The following ARHGAP39 variants were observed in gnomAD, a reference collection of about 807,000 sequenced individuals.
ARHGAP39 encodes the protein Rho GTPase activating protein 39.
A neutral mutation model predicts 106.9 loss-of-function variants in ARHGAP39; 44 were observed. The observed-to-expected ratio is 0.41, with a 90% CI of 0.32 to 0.53. The LOEUF is 0.53. Ranked by LOEUF, ARHGAP39 falls within the 20% of genes least tolerant of loss-of-function variation. The probability of loss-of-function intolerance (pLI) is 0.21; values close to 1 mark genes in which losing one functional copy is unlikely to be tolerated. For missense variants in ARHGAP39, 1,496 were observed against 1,577.3 expected, an observed-to-expected ratio of 0.95 and a Z score of 0.87; for synonymous variants, 768 against 693.2, an observed-to-expected ratio of 1.11 and a Z score of -1.69.
upstream of ARHGAP39, among the ~76,000 whole-genome samples, chr8:144,690,811 A>ATTTTTTTTTTTTT (rs113293471): frequency 8.6e-6 from 1 of 116,310 alleles, no homozygotes. Flanking sequence ...CACCCAGCTG[A>ATTTTTTTTTTTTT]TTTTTTTTTT....
At chr8:144,578,071 C>T (rs1818839756) in intron 3 of ARHGAP39, among the ~76,000 whole-genome samples, 1 of 152,114 alleles carries the variant, frequency 6.6e-6, no homozygotes, top group Non-Finnish European at 1.5e-5. Context: ...ATAGCCAAAA[C>T]AACCTTGAAA....
In ARHGAP39 at chr8:144,537,768, T is replaced by C; in HGVS notation, c.2567A>G (p.Lys856Arg). ...KELLERNTKK[K>R]SKLRKKPKPY... Reference sequence around the variant, plus strand: ...CTTGGGTTTCTTTCTCAATTTGGACTTCTTCTTAGTGTTTCTTTCCAGGAG... The same window carrying C: ...CTTGGGTTTCTTTCTCAATTTGGACCTCTTCTTAGTGTTTCTTTCCAGGAG... The change falls in exon 7 of 12, where the codon AAG (lysine) becomes AGG (arginine). Residue 856 changes from lysine (K) to arginine (R), a missense_variant. By Grantham distance (26) the Lys-to-Arg change is conservative. This residue lies in a region of ARHGAP39 where 470 missense variants were observed against 605.1 expected (regional missense o/e 0.78). Coordinates refer to ENST00000377307, the MANE Select transcript of ARHGAP39 (RefSeq NM_025251.3). 2 of 1,614,118 alleles carry C rather than the reference T, an allele frequency of 1.2e-6. No individual in the cohort carries two copies. The highest frequency in any genetic ancestry group is 1.7e-6 in the Non-Finnish European group (2 of 1,179,972).
At chr8:144,688,957 G>A (rs1270926232), upstream of ARHGAP39, among the ~76,000 whole-genome samples, 2 of 151,946 alleles carry the variant, frequency 1.3e-5, no homozygotes, top group Non-Finnish European at 2.9e-5. Flanking sequence ...GAAGGGGGAC[G>A]GACCCTGCCA....
In ARHGAP39 at chr8:144,548,499, G is replaced by A. The variant is rs1337449532; in HGVS notation, c.597-10C>T. 4 of 1,604,650 alleles carry A rather than the reference G, an allele frequency of 2.5e-6. No individual in the cohort carries two copies. The highest frequency in any genetic ancestry group is 2.7e-5 in the African/African-American group (2 of 74,862). On this transcript the variant is annotated splice_polypyrimidine_tract_variant and intron_variant, in intron 4 of 11. Transcript: ENST00000377307. This position sits in a 1 kb window ranked among gnomAD's most constrained non-coding sequence, Gnocchi z 7.4. ...CCGCAGCGAGGAGGTCCTGCGTGGG[G>A]GGTGGACGGGCACAGGTGACTGCCT...
intron 1 of ARHGAP39, among the ~76,000 whole-genome samples, chr8:144,613,609 CCTTG>C (rs1190106333): frequency 6.6e-6 from 1 of 151,568 alleles, no homozygotes; most frequent in Non-Finnish European, 1.5e-5. Flanking sequence ...ACACAAAAGG[CCTTG>C]CTTTTTTTTT....
chr8:144,563,953 G>A (rs1269092171), intron 3 of ARHGAP39, among the ~76,000 whole-genome samples: 3 of 152,112 alleles, frequency 2.0e-5, no homozygotes, highest in East Asian at 1.9e-4. Flanking sequence ...AAGTTATTTC[G>A]ATGTCAACTA....
At chr8:144,699,360 T>G in the ARHGAP39 span, among the ~76,000 whole-genome samples, 1 of 10,606 alleles carries the variant, frequency 9.4e-5, no homozygotes. Flanking sequence ...AGCTGTGGGG[T>G]GGGGTGCTGT....
chr8:144,674,356 T>C (rs1445138634), intron 1 of ARHGAP39, among the ~76,000 whole-genome samples: 1 of 152,190 alleles, frequency 6.6e-6, no homozygotes, highest in Non-Finnish European at 1.5e-5. Flanking sequence ...TCTTGACGAC[T>C]GTTCAGGTCT....
chr8:144,559,213 A>G (rs7387057), intron 3 of ARHGAP39, among the ~76,000 whole-genome samples: 1 of 151,838 alleles, frequency 6.6e-6, no homozygotes, highest in East Asian at 1.9e-4. Context: ...GTCTCAAAAC[A>G]AAAAACAAAA....
Position 144,544,832 on chromosome 8 carries a change from C to T in ARHGAP39, c.2521+417G>A, listed in dbSNP as rs370254982. On this transcript the variant is annotated intron_variant, in intron 6 of 11. Transcript: ENST00000377307. ...CTGCCAGGACCATGCCCAGAAGAGA[C>T]AACCCGGATCTTGCCAGGGTGGTAG... 3.7e-4 allele frequency among the ~76,000 whole-genome samples: 57 copies of T among 152,384 alleles called. No individual in the cohort carries two copies. The South Asian group carries it at 0.011, about 30-fold the overall frequency.
rs1464455501 is a variant in ARHGAP39 at position 144,585,075 on chromosome 8, G to A, written c.81-3798C>T. Among the ~76,000 whole-genome samples the A allele has an allele frequency of 1.3e-5, 2 of 152,136 alleles. No individual in the cohort carries two copies. Among genetic ancestry groups the A allele is most frequent in the East Asian group, 3.9e-4 (2 of 5,178 alleles). ...TTTGGTCTCCACCCAGAGCCAAGGT[G>A]TCTCCCTCCACTCGTCCAGGTGTCT... On this transcript the variant is annotated intron_variant, in intron 2 of 11. Transcript: ENST00000377307. This position sits in a 1 kb window ranked among gnomAD's most constrained non-coding sequence, Gnocchi z 4.6.
chr8:144,664,023 C>T (rs917023451), intron 1 of ARHGAP39, among the ~76,000 whole-genome samples: 108 of 152,034 alleles, frequency 7.1e-4, no homozygotes, highest in African/African-American at 2.5e-3. Context: ...AACAATTAGC[C>T]GGGCATAGTG....
chr8:144,633,555 A>C (rs930589081), intron 1 of ARHGAP39, among the ~76,000 whole-genome samples: 1 of 152,286 alleles, frequency 6.6e-6, no homozygotes, highest in Non-Finnish European at 1.5e-5. Context: ...TTCAAAGCCC[A>C]GCTACTAATT....
At chr8:144,698,458 T>G in the ARHGAP39 span, among the ~76,000 whole-genome samples, 1 of 152,204 alleles carries the variant, frequency 6.6e-6, no homozygotes, top group African/African-American at 2.4e-5. Context: ...GTAAAGTGAA[T>G]TGAGGTTTTT....
rs199629804 is a variant in ARHGAP39 at position 144,548,087 on chromosome 8, T to C, written c.999A>G (p.Gln333=). ...PIYDEPPMDV[Q]FEAGGGYQAG... ...CCTGGTAGCCCCCGCCAGCCTCGAA[T>C]TGCACGTCCATGGGGGGCTCATCGT... is the stretch of plus-strand genomic sequence containing the variant. The change falls in exon 5 of 12, where the codon CAA becomes CAG. Residue 333 remains glutamine (Q), a synonymous_variant. Transcript: ENST00000377307. The surrounding 1 kb of genome is among the most constrained non-coding windows in gnomAD (Gnocchi z 7.4). 3.8e-5 allele frequency: 60 copies of C among 1,594,482 alleles called. No homozygotes were observed. In the Admixed American group the frequency reaches 6.5e-4, roughly 17 times the overall value.
rs749666064 is a variant in ARHGAP39 at position 144,548,061 on chromosome 8, G to A, written c.1025C>T (p.Ala342Val). 6.3e-7 allele frequency: 1 copy of A among 1,596,142 alleles called. No individual in the cohort carries two copies. Among genetic ancestry groups the A allele is most frequent in the South Asian group, 1.1e-5 (1 of 89,430 alleles). The stretch of plus-strand genomic sequence containing the variant: ...GCCCGGCGACCGCTGGGGAGAGCCG[G>A]CCTGGTAGCCCCCGCCAGCCTCGAA... ...VQFEAGGGYQ[A>V]GSPQRSPGRK... The change falls in exon 5 of 12, where the codon GCC (alanine) becomes GTC (valine). Residue 342 changes from alanine (A) to valine (V), a missense_variant. Physicochemically the swap from Ala to Val is moderately conservative, Grantham distance 64. Around this residue, in one of 4 missense-constraint regions of ARHGAP39, gnomAD observed 905 missense variants for 816.4 expected, o/e 1.11. Coordinates refer to ENST00000377307, the MANE Select transcript of ARHGAP39 (RefSeq NM_025251.3). The surrounding 1 kb of genome is among the most constrained non-coding windows in gnomAD (Gnocchi z 7.4).
At position 144,530,523 on chromosome 8, in the gene ARHGAP39, C is replaced by T. The variant is rs756803557; in HGVS notation, c.3244G>A (p.Asp1082Asn). The T allele has an allele frequency of 3.1e-6, 5 of 1,612,080 alleles. No homozygotes were observed. The South Asian group carries it at 4.4e-5, about 14-fold the overall frequency. Residue 1082 changes from aspartate to asparagine, a missense_variant, in exon 12 of 12, where the codon GAC becomes AAC. Transcript: ENST00000377307. ...TTCTCGAAGATGACGCGCGGGTCGTCGGACTGGCAGCGCAAGCAGTTGGGC... is the reference window on the plus strand; with the variant it reads ...TTCTCGAAGATGACGCGCGGGTCGTTGGACTGGCAGCGCAAGCAGTTGGGC... ...MAPNCLRCQS[D>N]DPRVIFENTR...
At chr8:144,553,430 G>A (rs1017981731) in intron 4 of ARHGAP39, among the ~76,000 whole-genome samples, 6 of 152,158 alleles carry the variant, frequency 3.9e-5, no homozygotes, top group East Asian at 1.9e-4. Context: ...CAGAGCACGC[G>A]CGTTTCAGCA....
chr8:144,680,328 C>T (rs1822372572), intron 1 of ARHGAP39, among the ~76,000 whole-genome samples: 2 of 152,316 alleles, frequency 1.3e-5, no homozygotes, highest in Middle Eastern at 3.4e-3. Context: ...CTTTGCGGGC[C>T]GCACAGCCTC....
Sources: gnomAD v4.1 joint callset for allele counts (sites outside exome capture counted in the v4.1 genomes callset) on GRCh38, gnomAD v4.1.1 for gene constraint, gnomAD v4.1.1 regional missense constraint, Gnocchi (gnomAD v3.1) non-coding constraint, MANE v1.5 for transcripts, NCBI Gene and HGNC (gene_info 2026-07-23, HGNC 2026-07-21) for gene names.